The following EFCAB8 variants were observed in gnomAD, a reference collection of about 807,000 sequenced individuals.
EFCAB8 encodes the protein EF-hand calcium-binding domain-containing protein 8.
In EFCAB8, 100 loss-of-function variants were observed where a neutral mutation model predicts 116.3. That is an observed-to-expected ratio of 0.86 (90% CI 0.73 to 1.02). The LOEUF (loss-of-function observed/expected upper bound fraction) is 1.02, where lower values mean the gene tolerates loss of function less well. EFCAB8 is among the 50% of genes least tolerant of loss of function. The pLI, the probability that EFCAB8 is intolerant of heterozygous loss-of-function variation, is 0.00. For missense variants in EFCAB8, 1,320 were observed against 1,416.9 expected (o/e 0.93, Z 1.10); for synonymous variants, 558 against 567.9 (o/e 0.98, Z 0.25).
chr20:32,950,388 AT>A (rs1988762673), intron 23 of EFCAB8, among the ~76,000 whole-genome samples: 1 of 152,212 alleles, frequency 6.6e-6, no homozygotes, highest in South Asian at 2.1e-4. Flanking sequence ...ACTTCACCAA[AT>A]TTGAAGAGAC....
intron 1 of EFCAB8, among the ~76,000 whole-genome samples, chr20:32,862,217 A>G (rs1416600168): frequency 1.3e-5 from 2 of 150,756 alleles, no homozygotes; most frequent in East Asian, 3.9e-4. Flanking sequence ...TGCAGCCTCA[A>G]CCTCCTGGGC....
Position 32,940,023 on chromosome 20 carries a change from C to CCCTTCCTTCCTTCCTTCCTT in EFCAB8, c.2791-3572_2791-3553dup, listed in dbSNP as rs757461144. On this transcript the variant is annotated intron_variant, in intron 22 of 26. Coordinates refer to ENST00000400522, the MANE Select transcript of EFCAB8 (RefSeq NM_001143967.2). ...TGCCTGCCTCCCTCCCTCCCTCCCT[C>CCCTTCCTTCCTTCCTTCCTT]CCTTCCTTCCTTCCTTCCTTCCTTC... Among the ~76,000 whole-genome samples the CCCTTCCTTCCTTCCTTCCTT allele has an allele frequency of 2.1e-4, 12 of 56,124 alleles. No homozygotes were observed. The East Asian group carries it at 2.7e-3, about 13-fold the overall frequency. 36.8% of individuals were successfully genotyped at this position (56,124 alleles called of 152,430 possible). A position where few individuals can be genotyped will look rare whatever the true frequency, so the allele number is the denominator to read the frequency against.
At chr20:32,885,442 GC>G in intron 5 of EFCAB8, 62 bp from the exon 6 acceptor site, 1 of 1,540,234 alleles carries the variant, frequency 6.5e-7, no homozygotes, top group Non-Finnish European at 8.8e-7. Context: ...CTGTTCTGCC[GC>G]AGGTGCCCCC....
chr20:32,961,695 C>G lies in EFCAB8; in HGVS notation c.*86C>G, dbSNP rs1200081608. On this transcript the variant is annotated 3_prime_UTR_variant, in exon 27 of 27. Transcript: ENST00000400522. ...TGTTCTCGGCTTATTCCCTACCAGA[C>G]CCAGAGGATGTGGCTCTTCCCCCGG... The G allele has an allele frequency of 3.6e-6, 3 of 826,894 alleles. No individual in the cohort carries two copies. Among genetic ancestry groups the G allele is most frequent in the Non-Finnish European group, 4.9e-6 (3 of 609,770 alleles). 51.2% of individuals were successfully genotyped at this position (826,894 alleles called of 1,614,324 possible). A position where few individuals can be genotyped will look rare whatever the true frequency, so the allele number is the denominator to read the frequency against.
chr20:32,883,726 T>C (rs1399779095), intron 5 of EFCAB8, among the ~76,000 whole-genome samples: 2 of 152,060 alleles, frequency 1.3e-5, no homozygotes. Flanking sequence ...AGTCTCACTC[T>C]GTCACCCAGG....
At chr20:32,930,023 G>A (rs1333010519) in intron 20 of EFCAB8, among the ~76,000 whole-genome samples, 2 of 152,212 alleles carry the variant, frequency 1.3e-5, no homozygotes, top group Non-Finnish European at 2.9e-5. Flanking sequence ...AGGGGAATGA[G>A]TTCCTTCCCC....
At chr20:32,893,833 C>T (rs2146214182) in intron 9 of EFCAB8, among the ~76,000 whole-genome samples, 1 of 152,232 alleles carries the variant, frequency 6.6e-6, no homozygotes, top group Non-Finnish European at 1.5e-5. Context: ...CATGCATCAC[C>T]TCCCATAATC....
Position 32,950,863 on chromosome 20 carries a change from C to T in EFCAB8, c.2959+7059C>T, listed in dbSNP as rs145952258. Among the ~76,000 whole-genome samples the T allele has an allele frequency of 2.5e-3, 386 of 152,160 alleles. 1 individual carries two copies. Among genetic ancestry groups the T allele is most frequent in the African/African-American group, 8.8e-3 (367 of 41,498 alleles). ...TTTGGCTGCTTGTAGTTAGAAGAGA[C>T]GTGATTTCCTTGAAATGCATGAGGC... On this transcript the variant is annotated intron_variant, in intron 23 of 26. Coordinates refer to ENST00000400522, the MANE Select transcript of EFCAB8 (RefSeq NM_001143967.2).
intron 3 of EFCAB8, among the ~76,000 whole-genome samples, chr20:32,869,434 C>G (rs1361908950): frequency 6.6e-6 from 1 of 152,136 alleles, no homozygotes; most frequent in Non-Finnish European, 1.5e-5. Flanking sequence ...CGGGGTTTCT[C>G]CATGTTGGGC....
rs797015095 is a variant in EFCAB8 at position 32,948,999 on chromosome 20, G to GA, written c.2959+5204dup. 9.3e-4 allele frequency among the ~76,000 whole-genome samples: 139 copies of GA among 149,716 alleles called. 1 individual carries two copies. The highest frequency in any genetic ancestry group is 3.0e-3 in the African/African-American group (123 of 40,874). On this transcript the variant is annotated intron_variant, in intron 23 of 26. Transcript: ENST00000400522. ...GAAGAGTAGAGGGCAATTACAGAAG[G>GA]AAAAAAAAAGGCATTCAGATTGGAA...
intron 22 of EFCAB8, among the ~76,000 whole-genome samples, chr20:32,934,589 A>G (rs1419821552): frequency 1.3e-5 from 2 of 152,210 alleles, no homozygotes; most frequent in Non-Finnish European, 2.9e-5. Context: ...CACAAATCTC[A>G]TCTTGAATTG....
chr20:32,934,990 T>C (rs762120654), intron 22 of EFCAB8, among the ~76,000 whole-genome samples: 4 of 152,136 alleles, frequency 2.6e-5, no homozygotes, highest in Admixed American at 2.0e-4. Flanking sequence ...AACACTTGTT[T>C]CTTGTCTTTT....
At chr20:32,884,306 G>A (rs746971998) in intron 5 of EFCAB8, among the ~76,000 whole-genome samples, 58 of 152,304 alleles carry the variant, frequency 3.8e-4, no homozygotes, top group Non-Finnish European at 7.3e-4. Flanking sequence ...CCTAGGAGGT[G>A]CAGGTGCTGT....
intron 11 of EFCAB8, among the ~76,000 whole-genome samples, chr20:32,904,379 C>A (rs1412507945): frequency 6.6e-6 from 1 of 151,166 alleles, no homozygotes; most frequent in African/African-American, 2.4e-5. Context: ...CAGCTCACTG[C>A]AGCCTCAACC....
intron 3 of EFCAB8, among the ~76,000 whole-genome samples, chr20:32,869,508 T>A (rs1201963784): frequency 6.6e-6 from 1 of 152,210 alleles, no homozygotes; most frequent in East Asian, 1.9e-4. Flanking sequence ...AGTGCTGGGA[T>A]TACAGGCGTG....
At chr20:32,896,385 T>C (rs538028570) in intron 9 of EFCAB8, 69 bp from the exon 10 acceptor site, 5 of 704,230 alleles carry the variant, frequency 7.1e-6, no homozygotes, top group Non-Finnish European at 1.3e-5. Context: ...CAAGACGTCT[T>C]CTGAGGCTTT....
intron 3 of EFCAB8, 128 bp downstream of exon 3, chr20:32,867,875 C>T (rs1984505329): frequency 3.7e-6 from 4 of 1,082,268 alleles, no homozygotes; most frequent in Middle Eastern, 3.2e-4. Flanking sequence ...GGATATTGCT[C>T]TGTCACCCAG....
intron 6 of EFCAB8, among the ~76,000 whole-genome samples, chr20:32,887,733 G>A (rs1327691725): frequency 6.6e-6 from 1 of 152,182 alleles, no homozygotes; most frequent in African/African-American, 2.4e-5. Context: ...TCCCTGCCTG[G>A]AGTGCCAGCT....
intron 23 of EFCAB8, among the ~76,000 whole-genome samples, chr20:32,956,908 T>C (rs1481569329): frequency 3.3e-5 from 5 of 151,850 alleles, no homozygotes; most frequent in Non-Finnish European, 7.4e-5. Context: ...TATACTAGAC[T>C]ATTTGACTTT....
Sources: gnomAD v4.1 joint callset for allele counts (sites outside exome capture counted in the v4.1 genomes callset) on GRCh38, gnomAD v4.1.1 for gene constraint, MANE v1.5 for transcripts, NCBI Gene and HGNC (gene_info 2026-07-23, HGNC 2026-07-21) for gene names.